The following CEP162 variants were observed in gnomAD, a reference collection of about 807,000 sequenced individuals.
CEP162 encodes centrosomal protein 162.
CEP162 carries 141 observed loss-of-function variants against 169.2 expected under a neutral mutation model. That is an observed-to-expected ratio of 0.83 (90% CI 0.73 to 0.96). The LOEUF (loss-of-function observed/expected upper bound fraction) is 0.96. CEP162 is among the 40% of genes least tolerant of loss of function. The pLI is 0.00. For synonymous variants in CEP162, 540 were observed against 526.4 expected, an observed-to-expected ratio of 1.03 and a Z score of -0.35; for missense variants, 1,600 against 1,587.2, an observed-to-expected ratio of 1.01 and a Z score of -0.14.
At chr6:84,196,045 T>G (rs533743218) in intron 9 of CEP162, among the ~76,000 whole-genome samples, 2 of 152,162 alleles carry the variant, frequency 1.3e-5, no homozygotes, top group African/African-American at 4.8e-5. Context: ...AATAGAAACC[T>G]TGATGTCATC....
chr6:84,174,370 T>A (rs1395806972), intron 15 of CEP162, among the ~76,000 whole-genome samples, 182 bp from the exon 16 acceptor site: 1 of 152,168 alleles, frequency 6.6e-6, no homozygotes, highest in African/African-American at 2.4e-5. Flanking sequence ...GCTGGGTGAG[T>A]AAAGGAACTC....
chr6:84,196,852 A>C (rs753116474), intron 9 of CEP162, among the ~76,000 whole-genome samples: 4 of 152,212 alleles, frequency 2.6e-5, no homozygotes, highest in Non-Finnish European at 5.9e-5. Context: ...CCATGGCTAC[A>C]TGAAGTATAT....
chr6:84,144,592 C>T (rs1288550683), intron 25 of CEP162, among the ~76,000 whole-genome samples: 1 of 152,082 alleles, frequency 6.6e-6, no homozygotes, highest in Non-Finnish European at 1.5e-5. Context: ...CTGACAAATA[C>T]AGGCTTCTGA....
At chr6:84,215,249 T>TA in intron 5 of CEP162, 33 bp downstream of exon 5, 5 of 1,240,244 alleles carry the variant, frequency 4.0e-6, no homozygotes, top group Non-Finnish European at 5.4e-6. Flanking sequence ...ATAGAAATCA[T>TA]AAAAATCATT....
intron 11 of CEP162, among the ~76,000 whole-genome samples, chr6:84,193,034 G>A (rs961408811): frequency 6.6e-6 from 1 of 152,240 alleles, no homozygotes; most frequent in Non-Finnish European, 1.5e-5. Flanking sequence ...TTGTTATGAG[G>A]ATCACGTGGG....
chr6:84,151,802 C>T (rs557265499), intron 23 of CEP162, among the ~76,000 whole-genome samples: 1 of 151,690 alleles, frequency 6.6e-6, no homozygotes, highest in South Asian at 2.1e-4. Flanking sequence ...GTAGTGTGGT[C>T]AACATTGTTG....
At chr6:84,215,137 A>T (rs1223905015) in intron 5 of CEP162, 145 bp downstream of exon 5, 11 of 461,994 alleles carry the variant, frequency 2.4e-5, no homozygotes, top group African/African-American at 8.0e-5. Flanking sequence ...AAAAACCCTA[A>T]CTATAAAATG....
Position 84,125,173 on chromosome 6 carries a change from CG to C in CEP162, c.4108del (p.Arg1370AlafsTer4). The C allele has an allele frequency of 6.2e-7, 1 of 1,613,540 alleles. No homozygotes were observed. Reference protein sequence around the residue: ...QLKNRELEKFRTELDSILDVL... With the variant: ...QLKNRELEKFXTELDSILDVL... ...ATCTAATATTGAGTCTAGTTCTGTGCGGAACTTCTCCAGCTCACGATTCTTT... is the reference window on the plus strand; with the variant it reads ...ATCTAATATTGAGTCTAGTTCTGTGCGAACTTCTCCAGCTCACGATTCTTT... On this transcript the variant is annotated frameshift_variant, in exon 27 of 27. Transcript: ENST00000403245. LOFTEE classifies it high-confidence loss of function.
At chr6:84,217,176 T>TA (rs886640933) in intron 3 of CEP162, among the ~76,000 whole-genome samples, 18 of 149,636 alleles carry the variant, frequency 1.2e-4, no homozygotes, top group Admixed American at 2.0e-4. Flanking sequence ...TATCAGTGAA[T>TA]AAAAAAAAAC....
At chr6:84,178,482 A>G (rs762556038) in intron 13 of CEP162, among the ~76,000 whole-genome samples, 1 of 152,128 alleles carries the variant, frequency 6.6e-6, no homozygotes, top group Non-Finnish European at 1.5e-5. Flanking sequence ...TTTTGGTAAT[A>G]ATTTAAATTT....
chr6:84,133,244 G>A (rs372382412), intron 25 of CEP162, among the ~76,000 whole-genome samples: 9 of 152,208 alleles, frequency 5.9e-5, no homozygotes, highest in South Asian at 2.1e-4. Context: ...AGGGGCACCC[G>A]GCTGTATGAG....
At chr6:84,141,049 A>G (rs2099516380) in intron 25 of CEP162, among the ~76,000 whole-genome samples, 3 of 152,146 alleles carry the variant, frequency 2.0e-5, no homozygotes, top group Non-Finnish European at 4.4e-5. Flanking sequence ...CGCTCCTATG[A>G]GAATCTAATG....
chr6:84,128,710 TA>T (rs1335683407), intron 25 of CEP162, among the ~76,000 whole-genome samples: 3 of 152,152 alleles, frequency 2.0e-5, no homozygotes, highest in African/African-American at 7.2e-5. Context: ...TTTTTTAAGT[TA>T]TACTTTGTTC....
In CEP162 at chr6:84,202,518, CTTTTTTTTTTT is replaced by C. The variant is rs70987776; in HGVS notation, c.688-762_688-752del. 9.9e-5 allele frequency among the ~76,000 whole-genome samples: 9 copies of C among 90,746 alleles called. No homozygotes were observed. The South Asian group carries it at 1.4e-3, about 14-fold the overall frequency. The allele number at this position is 90,746 out of a possible 152,430, so 59.5% of individuals were successfully genotyped here. A position where few individuals can be genotyped will look rare whatever the true frequency, so the allele number is the denominator to read the frequency against. On this transcript the variant is annotated intron_variant, in intron 7 of 26. Coordinates refer to ENST00000403245, the MANE Select transcript of CEP162 (RefSeq NM_014895.4). ...CATTTTTCTTTTCTTTTCTTTCTTT[CTTTTTTTTTTT>C]TTTTTTTTTTTTTTTTGAGACAGGG...
chr6:84,204,073 C>T lies in CEP162; in HGVS notation c.595G>A (p.Asp199Asn). 6.3e-7 allele frequency: 1 copy of T among 1,598,412 alleles called. No homozygotes were observed. Among genetic ancestry groups the T allele is most frequent in the South Asian group, 1.1e-5 (1 of 88,198 alleles). Reference sequence around the variant, plus strand: ...GTCAACGGTGCACCAACATACTCATCTTCAAAATCATCACTGTAATTTTCT... The same window carrying T: ...GTCAACGGTGCACCAACATACTCATTTTCAAAATCATCACTGTAATTTTCT... ...LAENYSDDFE[D>N]EYVGAPLTTK... The change falls in exon 7 of 27, where the codon GAT (aspartate) becomes AAT (asparagine). Residue 199 changes from aspartate to asparagine, a missense_variant. Coordinates refer to ENST00000403245, the MANE Select transcript of CEP162 (RefSeq NM_014895.4).
intron 13 of CEP162, among the ~76,000 whole-genome samples, chr6:84,179,126 T>C (rs2099533653): frequency 6.6e-6 from 1 of 152,228 alleles, no homozygotes; most frequent in Admixed American, 6.5e-5. Context: ...AACATACATG[T>C]GCATCTGTCT....
intron 3 of CEP162, 165 bp from the exon 4 acceptor site, chr6:84,216,087 A>G: frequency 1.2e-6 from 1 of 835,710 alleles, no homozygotes; most frequent in Non-Finnish European, 1.7e-6. Context: ...CAAAAGAAAG[A>G]TTATAATTCT....
intron 25 of CEP162, among the ~76,000 whole-genome samples, chr6:84,132,240 G>C (rs1399400318): frequency 6.6e-6 from 1 of 152,142 alleles, no homozygotes; most frequent in Non-Finnish European, 1.5e-5. Flanking sequence ...TCCCTTTGTG[G>C]GTAAGCTGAC....
chr6:84,165,240 A>G (rs976105359), intron 18 of CEP162, among the ~76,000 whole-genome samples: 1 of 151,680 alleles, frequency 6.6e-6, no homozygotes, highest in African/African-American at 2.4e-5. Context: ...TTCTCACAGC[A>G]CTCATCACCA....
Sources: allele counts gnomAD v4.1 joint callset (sites outside exome capture counted in the v4.1 genomes callset), GRCh38; gene constraint gnomAD v4.1.1; transcripts MANE v1.5; gene names NCBI Gene and HGNC (gene_info 2026-07-23, HGNC 2026-07-21).